PPP2R5B: variants seen among roughly 807,000 people sequenced by gnomAD.
The protein encoded by PPP2R5B is serine/threonine-protein phosphatase 2A 56 kDa regulatory subunit beta isoform.
Under a neutral mutation model 59.9 loss-of-function variants are expected in PPP2R5B, and 19 were observed. That is an observed-to-expected ratio of 0.32 (90% CI 0.22 to 0.47). The LOEUF (loss-of-function observed/expected upper bound fraction) is 0.47, where lower values mean the gene tolerates loss of function less well. Among genes scored for constraint, PPP2R5B ranks in the 20% least tolerant of loss-of-function variants. PPP2R5B has a pLI of 1.00. For missense variants in PPP2R5B, 441 were observed against 640.2 expected (o/e 0.69, Z 3.36); for synonymous variants, 286 against 260.5 (o/e 1.10, Z -0.94).
upstream of PPP2R5B, among the ~76,000 whole-genome samples, chr11:64,920,019 G>A (rs1349845224): frequency 6.6e-6 from 1 of 151,714 alleles, no homozygotes; most frequent in Non-Finnish European, 1.5e-5. Context: ...GGCTGAGGTG[G>A]CCAGAGTCAC....
rs769392064 is a variant in PPP2R5B, at chr11:64,931,616, A to G, written c.996+7A>G. ...AACCTGCACCCAGAAGGAGGTATGA[A>G]GAAGGGCTTTGATGCCCGCCAGAGG... On this transcript the variant is annotated splice_region_variant and intron_variant, in intron 10 of 13. Transcript: ENST00000164133. This position sits in a 1 kb window ranked among gnomAD's most constrained non-coding sequence, Gnocchi z 5.0. The G allele has an allele frequency of 4.3e-6, 7 of 1,613,882 alleles. No individual in the cohort carries two copies. The South Asian group carries it at 5.5e-5, about 13-fold the overall frequency.
intron 3 of PPP2R5B, 63 bp from the exon 4 acceptor site, chr11:64,927,739 A>C: frequency 2.6e-6 from 3 of 1,135,552 alleles, no homozygotes; most frequent in Non-Finnish European, 3.9e-6. Context: ...GCTTTGAATG[A>C]GAGACTCCCT....
At chr11:64,929,418 T>C (rs1490735613) in intron 6 of PPP2R5B, among the ~76,000 whole-genome samples, 2 of 152,154 alleles carry the variant, frequency 1.3e-5, no homozygotes, top group Non-Finnish European at 2.9e-5. Flanking sequence ...CTCTCCTAGT[T>C]TGCTCGTCTT....
chr11:64,927,573 G>A (rs571066059), intron 3 of PPP2R5B, among the ~76,000 whole-genome samples: 7 of 152,188 alleles, frequency 4.6e-5, no homozygotes, highest in Non-Finnish European at 7.3e-5. Context: ...GCATAGTGGT[G>A]TGCTACTGTA....
rs538363370 is a variant in PPP2R5B at position 64,931,052 on chromosome 11, T to A, written c.892-384T>A. ...CACATGCCTGGCTAATTAAAAAAAA[T>A]TTTTTTTTTGTAGAGACAGTGTCTT... is the stretch of plus-strand genomic sequence containing the variant. On this transcript the variant is annotated intron_variant, in intron 8 of 13. Coordinates refer to ENST00000164133, the MANE Select transcript of PPP2R5B (RefSeq NM_006244.4). This position sits in a 1 kb window ranked among gnomAD's most constrained non-coding sequence, Gnocchi z 5.0. Among the ~76,000 whole-genome samples the A allele has an allele frequency of 1.8e-3, 265 of 150,766 alleles. 2 individuals carry two copies. The highest frequency in any genetic ancestry group is 1.5e-3 in the Non-Finnish European group (99 of 67,568).
rs1247857666 is a variant in PPP2R5B at position 64,934,178 on chromosome 11, C to T, written c.*334C>T. On this transcript the variant is annotated 3_prime_UTR_variant, in exon 14 of 14. Coordinates refer to ENST00000164133, the MANE Select transcript of PPP2R5B (RefSeq NM_006244.4). ...CCTGGCCTTGGGCAAGGGCACTCAG[C>T]GCCTCGCCTGCCCCTGCCTTGGCCA... 6.8e-6 allele frequency: 2 copies of T among 296,004 alleles called. No homozygotes were observed. Among genetic ancestry groups the T allele is most frequent in the East Asian group, 6.1e-5 (1 of 16,310 alleles). 18.3% of individuals were successfully genotyped at this position (296,004 alleles called of 1,614,324 possible). A position where few individuals can be genotyped will look rare whatever the true frequency, so the allele number is the denominator to read the frequency against.
intron 1 of PPP2R5B, among the ~76,000 whole-genome samples, chr11:64,918,513 C>T (rs891654048): frequency 3.3e-5 from 5 of 152,096 alleles, no homozygotes; most frequent in African/African-American, 1.2e-4. Flanking sequence ...CATGCACCAC[C>T]GCACCCAGCT....
chr11:64,918,530 C>G (rs528390857), intron 1 of PPP2R5B, among the ~76,000 whole-genome samples: 1 of 152,144 alleles, frequency 6.6e-6, no homozygotes, highest in South Asian at 2.1e-4. Flanking sequence ...AGCTAATTAC[C>G]GTGTTGGGCA....
chr11:64,919,211 C>T (rs1431470678), intron 1 of PPP2R5B, among the ~76,000 whole-genome samples: 6 of 152,074 alleles, frequency 3.9e-5, no homozygotes, highest in South Asian at 2.1e-4. Flanking sequence ...AGTGTGATGG[C>T]GGGCGCCTGT....
chr11:64,932,937 G>A (rs781730943), intron 12 of PPP2R5B, 45 bp downstream of exon 12: 13 of 1,608,454 alleles, frequency 8.1e-6, no homozygotes, highest in Middle Eastern at 1.7e-4. Flanking sequence ...TGGGACCAGG[G>A]CCAGCCAGTC....
At chr11:64,929,172 G>C (rs1945203009) in intron 6 of PPP2R5B, among the ~76,000 whole-genome samples, 1 of 152,042 alleles carries the variant, frequency 6.6e-6, no homozygotes, top group Non-Finnish European at 1.5e-5. Context: ...AGATGAAATG[G>C]TTTGCAGGGA....
chr11:64,927,629 C>A (rs562274157), intron 3 of PPP2R5B, 173 bp from the exon 4 acceptor site: 2 of 597,294 alleles, frequency 3.3e-6, no homozygotes, highest in Middle Eastern at 3.3e-4. Context: ...CTTGAGCCTG[C>A]CTGGGAGGTT....
intron 3 of PPP2R5B, 33 bp from the exon 4 acceptor site, chr11:64,927,769 T>G: frequency 6.6e-7 from 1 of 1,503,846 alleles, no homozygotes; most frequent in East Asian, 2.3e-5. Context: ...CTTCAAGGGC[T>G]TTTCCTTAAT....
In PPP2R5B at chr11:64,924,906, A is replaced by C. The variant is rs1945143360; in HGVS notation, c.-387A>C. On this transcript the variant is annotated 5_prime_UTR_variant, in exon 1 of 14. Transcript: ENST00000164133. ...CCCCCCGGAGCCCGGGAGAGAACCC[A>C]GGAGCGCCGCCGCCCAGCCCCAGCG... The C allele has an allele frequency of 6.6e-6, 1 of 152,584 alleles. No homozygotes were observed. Among genetic ancestry groups the C allele is most frequent in the Non-Finnish European group, 1.5e-5 (1 of 68,324 alleles). The allele number at this position is 152,584 out of a possible 1,614,324, so 9.5% of individuals were successfully genotyped here.
Position 64,931,383 on chromosome 11 carries a change from G to T in PPP2R5B, c.892-53G>T. 1 of 1,587,120 alleles carries T rather than the reference G, an allele frequency of 6.3e-7. No individual in the cohort carries two copies. Among genetic ancestry groups the T allele is most frequent in the South Asian group, 1.1e-5 (1 of 89,852 alleles). Reference sequence around the variant, plus strand: ...CTGTCCTGGACAGCAAGTCCTTGGCGCCTGGTGCCTTCCTGACCTGTCTTC... The same window carrying T: ...CTGTCCTGGACAGCAAGTCCTTGGCTCCTGGTGCCTTCCTGACCTGTCTTC... On this transcript the variant is annotated intron_variant, in intron 8 of 13. Coordinates refer to ENST00000164133, the MANE Select transcript of PPP2R5B (RefSeq NM_006244.4). This position sits in a 1 kb window ranked among gnomAD's most constrained non-coding sequence, Gnocchi z 5.0.
rs1355061549 is a variant in PPP2R5B, at chr11:64,931,232, C to CA, written c.892-203dup. On this transcript the variant is annotated intron_variant, in intron 8 of 13. Transcript: ENST00000164133. The surrounding 1 kb of genome is among the most constrained non-coding windows in gnomAD (Gnocchi z 5.0). Reference sequence around the variant, plus strand: ...TAAAGATGAGTTTGTTGACTGTCCCCACTCCCCGCGAGATCAGAGTTGTAT... The same window carrying CA: ...TAAAGATGAGTTTGTTGACTGTCCCCAACTCCCCGCGAGATCAGAGTTGTAT... Among the ~76,000 whole-genome samples, 2 of 152,106 alleles carry CA rather than the reference C, an allele frequency of 1.3e-5. No homozygotes were observed. The highest frequency in any genetic ancestry group is 4.8e-5 in the African/African-American group (2 of 41,404).
chr11:64,920,836 G>A (rs1945102905), upstream of PPP2R5B, among the ~76,000 whole-genome samples: 1 of 151,474 alleles, frequency 6.6e-6, no homozygotes, highest in Non-Finnish European at 1.5e-5. Flanking sequence ...CACCGTGTTG[G>A]TCAGGTTGGT....
intron 6 of PPP2R5B, 131 bp from the exon 7 acceptor site, chr11:64,930,191 G>A: frequency 1.0e-6 from 1 of 999,158 alleles, no homozygotes; most frequent in Admixed American, 1.8e-5. Flanking sequence ...GTTGGGAAGG[G>A]AGCGCAGCCT....
In PPP2R5B at chr11:64,925,603, A is replaced by G; in HGVS notation, c.-132A>G. The G allele has an allele frequency of 7.2e-6, 4 of 555,480 alleles. No homozygotes were observed. The highest frequency in any genetic ancestry group is 2.0e-5 in the South Asian group (1 of 50,414). The allele number at this position is 555,480 out of a possible 1,614,324, so 34.4% of individuals were successfully genotyped here. On this transcript the variant is annotated 5_prime_UTR_variant, in exon 2 of 14. Transcript: ENST00000164133. The surrounding 1 kb of genome is among the most constrained non-coding windows in gnomAD (Gnocchi z 4.6). ...AGGAGGCCCTGGGGGGGGGCCCAGG[A>G]CTGTGGTTGTGCCCCCCCCCCAAAG...
Sources: allele counts gnomAD v4.1 joint callset (sites outside exome capture counted in the v4.1 genomes callset), GRCh38; gene constraint gnomAD v4.1.1; non-coding constraint Gnocchi (gnomAD v3.1); transcripts MANE v1.5; gene names NCBI Gene and HGNC (gene_info 2026-07-23, HGNC 2026-07-21).